GATA3: variants seen among roughly 807,000 people sequenced by gnomAD.
The protein encoded by GATA3 is trans-acting T-cell-specific transcription factor GATA-3.
Under a neutral mutation model 36.0 loss-of-function variants are expected in GATA3, and 6 were observed. The observed-to-expected ratio is 0.17, with a 90% CI of 0.09 to 0.33. The LOEUF is 0.33. Among genes scored for constraint, GATA3 ranks in the 10% least tolerant of loss-of-function variants. The pLI, the probability that GATA3 is intolerant of heterozygous loss-of-function variation, is 1.00. For synonymous variants in GATA3, 326 were observed against 273.0 expected (o/e 1.19, Z -1.92); for missense variants, 514 against 610.1 (o/e 0.84, Z 1.66).
intron 5 of GATA3, among the ~76,000 whole-genome samples, chr10:8,071,224 A>G (rs1832926029): frequency 6.6e-6 from 1 of 152,224 alleles, no homozygotes; most frequent in South Asian, 2.1e-4. Context: ...TGCACAAGGT[A>G]ACGTGGCTGA....
Position 8,058,255 on chromosome 10 carries a change from G to T in GATA3, c.242-50G>T, listed in dbSNP as rs781694185. The stretch of plus-strand genomic sequence containing the variant: ...CAGGTGTCCCTGACGGCCTCCCAGG[G>T]CCACACTCACCCTCCTTCTCTCTCC... On this transcript the variant is annotated intron_variant, in intron 2 of 5. Transcript: ENST00000379328. 4.5e-5 allele frequency: 72 copies of T among 1,601,576 alleles called. 1 individual carries two copies. Among genetic ancestry groups the T allele is most frequent in the Non-Finnish European group, 1.7e-6 (2 of 1,170,472 alleles).
upstream of GATA3, chr10:8,050,621 C>T (rs965382871): frequency 4.8e-6 from 1 of 207,002 alleles, no homozygotes; most frequent in African/African-American, 2.4e-5. Context: ...TTCCCGGCTT[C>T]TTTTCTGTCT....
chr10:8,058,694 G>A lies in GATA3; in HGVS notation c.631G>A (p.Ala211Thr), dbSNP rs778421571. 9.9e-6 allele frequency: 16 copies of A among 1,612,910 alleles called. No homozygotes were observed. In the South Asian group the frequency reaches 1.8e-4, roughly 18 times the overall value. ...SRGSMTALGG[A>T]SSSTHHPITT... ...TGGCAGCATGACCGCCCTGGGTGGA[G>A]CCTCCTCGTCGACCCACCACCCCAT... Residue 211 changes from alanine (A) to threonine (T), a missense_variant, in exon 3 of 6, where the codon GCC becomes ACC. Ala to Thr is a moderately conservative substitution (Grantham distance 58, BLOSUM62 0). This residue lies in a region of GATA3 where 381 missense variants were observed against 354.3 expected (regional missense o/e 1.08). Coordinates refer to ENST00000379328, the MANE Select transcript of GATA3 (RefSeq NM_001002295.2).
At position 8,058,623 on chromosome 10, in the gene GATA3, A is replaced by C; in HGVS notation, c.560A>C (p.Gln187Pro). 6.2e-7 allele frequency: 1 copy of C among 1,611,986 alleles called. No individual in the cohort carries two copies. The highest frequency in any genetic ancestry group is 8.5e-7 in the Non-Finnish European group (1 of 1,179,852). Residue 187 changes from glutamine to proline, a missense_variant, in exon 3 of 6, where the codon CAG becomes CCG. By Grantham distance (76) the Gln-to-Pro change is moderately conservative (BLOSUM62 -1). This residue lies in a region of GATA3 where 381 missense variants were observed against 354.3 expected (regional missense o/e 1.08). Coordinates refer to ENST00000379328, the MANE Select transcript of GATA3 (RefSeq NM_001002295.2). ...GACGAGAAAGAGTGCCTCAAGTACC[A>C]GGTGCCCCTGCCCGACAGCATGAAG... The part of the protein sequence containing the change: ...RQDEKECLKY[Q>P]VPLPDSMKLE...
rs1459337304 is a variant in GATA3 at position 8,058,640 on chromosome 10, A to G, written c.577A>G (p.Ser193Gly). ...CLKYQVPLPD[S>G]MKLESSHSRG... is the part of the protein sequence containing the mutation. ...CAAGTACCAGGTGCCCCTGCCCGACAGCATGAAGCTGGAGTCGTCCCACTC... is the reference window on the plus strand; with the variant it reads ...CAAGTACCAGGTGCCCCTGCCCGACGGCATGAAGCTGGAGTCGTCCCACTC... Residue 193 changes from serine (S) to glycine (G), a missense_variant, in exon 3 of 6, where the codon AGC becomes GGC. Ser to Gly is a moderately conservative substitution (Grantham distance 56). Transcript: ENST00000379328. The G allele has an allele frequency of 6.2e-7, 1 of 1,612,904 alleles. No homozygotes were observed. Among genetic ancestry groups the G allele is most frequent in the Admixed American group, 1.7e-5 (1 of 60,030 alleles).
upstream of GATA3, chr10:8,050,882 G>C (rs1288586270): frequency 8.7e-6 from 4 of 457,176 alleles, no homozygotes; most frequent in South Asian, 6.7e-5. Context: ...TCGACCCCGG[G>C]GCTCCGCTTT....
In GATA3 at chr10:8,074,262, G is replaced by A. The variant is rs1256188736; in HGVS notation, c.*239G>A. ...TCTGACTCATATCCCCTATTTAACAGGGTCTCTAGTGCTGTGAAAAAAAAA... is the reference window on the plus strand; with the variant it reads ...TCTGACTCATATCCCCTATTTAACAAGGTCTCTAGTGCTGTGAAAAAAAAA... On this transcript the variant is annotated 3_prime_UTR_variant, in exon 6 of 6. Coordinates refer to ENST00000379328, the MANE Select transcript of GATA3 (RefSeq NM_001002295.2). 3.7e-6 allele frequency: 2 copies of A among 547,704 alleles called. No homozygotes were observed. The highest frequency in any genetic ancestry group is 2.9e-5 in the East Asian group (1 of 34,188). 33.9% of individuals were successfully genotyped at this position (547,704 alleles called of 1,614,324 possible).
intron 5 of GATA3, 28 bp from the exon 6 acceptor site, chr10:8,073,705 TAAAAAA>T: frequency 1.4e-6 from 2 of 1,408,452 alleles, no homozygotes; most frequent in South Asian, 2.5e-5. Context: ...AGCAAAAAAG[TAAAAAA>T]AAAAAAAAAA....
At chr10:8,050,964 TCGCCTGGAAG>T (rs751163453), upstream of GATA3, 1 of 481,488 alleles carries the variant, frequency 2.1e-6, no homozygotes, top group Non-Finnish European at 4.3e-6. Context: ...CCCGCGGAGC[TCGCCTGGAAG>T]CGCCGGTTGC....
intron 3 of GATA3, among the ~76,000 whole-genome samples, chr10:8,060,124 C>G (rs770305127): frequency 5.3e-5 from 8 of 152,238 alleles, no homozygotes; most frequent in Non-Finnish European, 1.0e-4. Flanking sequence ...GTGACATTCA[C>G]TCCGACTGCC....
rs757676140 is a variant in GATA3, at chr10:8,058,313, G to C, written c.250G>C (p.Val84Leu). ...RYPPTHHGSQVCRPPLLHGSL... is the reference protein window; with the variant it reads ...RYPPTHHGSQLCRPPLLHGSL... ...TCCCCGTTGCCCCACAGGGAGCCAG[G>C]TGTGCCGCCCGCCTCTGCTTCATGG... The change falls in exon 3 of 6, where the codon GTG becomes CTG. Residue 84 changes from valine (V) to leucine (L), a missense_variant. This residue lies in a region of GATA3 where 381 missense variants were observed against 354.3 expected (regional missense o/e 1.08). Coordinates refer to ENST00000379328, the MANE Select transcript of GATA3 (RefSeq NM_001002295.2). 9 of 1,613,346 alleles carry C rather than the reference G, an allele frequency of 5.6e-6. 1 individual carries two copies. In the South Asian group the frequency reaches 9.9e-5, roughly 18 times the overall value.
chr10:8,070,689 C>T (rs952325299), intron 5 of GATA3, among the ~76,000 whole-genome samples: 2 of 152,122 alleles, frequency 1.3e-5, no homozygotes, highest in Admixed American at 1.3e-4. Context: ...TTTTTTGAGT[C>T]ATAAAGAACT....
At chr10:8,063,791 G>A (rs912057552) in intron 3 of GATA3, among the ~76,000 whole-genome samples, 4 of 152,136 alleles carry the variant, frequency 2.6e-5, no homozygotes, top group Non-Finnish European at 5.9e-5. Context: ...CGTGTGTGTC[G>A]GGGGAACGGT....
rs1046557945 is a variant in GATA3, at chr10:8,069,744, G to C, written c.1050+146G>C. 6.2e-5 allele frequency: 65 copies of C among 1,043,472 alleles called. No individual in the cohort carries two copies. In the African/African-American group the frequency reaches 8.7e-4, roughly 14 times the overall value. 64.6% of individuals were successfully genotyped at this position (1,043,472 alleles called of 1,614,324 possible). A position where few individuals can be genotyped will look rare whatever the true frequency, so the allele number is the denominator to read the frequency against. ...AATTGATGCAATAGGACCTAGCTTG[G>C]AAAACTACTTTGTCTAGCATAGCCG... On this transcript the variant is annotated intron_variant, in intron 5 of 5. Coordinates refer to ENST00000379328, the MANE Select transcript of GATA3 (RefSeq NM_001002295.2).
Position 8,058,657 on chromosome 10 carries a change from G to A in GATA3, c.594G>A (p.Ser198=), listed in dbSNP as rs763497781. 1.2e-6 allele frequency: 2 copies of A among 1,612,938 alleles called. No homozygotes were observed. The highest frequency in any genetic ancestry group is 1.7e-6 in the Non-Finnish European group (2 of 1,179,956). The change falls in exon 3 of 6, where the codon TCG becomes TCA. Residue 198 remains serine, a synonymous_variant. Transcript: ENST00000379328. ...TGCCCGACAGCATGAAGCTGGAGTC[G>A]TCCCACTCCCGTGGCAGCATGACCG... ...VPLPDSMKLE[S]SHSRGSMTAL...
At chr10:8,058,001 C>G (rs1260780098) in intron 2 of GATA3, among the ~76,000 whole-genome samples, 3 of 152,170 alleles carry the variant, frequency 2.0e-5, no homozygotes, top group Admixed American at 6.5e-5. Context: ...GCCAAATAAG[C>G]AAAGGGGCCC....
rs1832980671 is a variant in GATA3, at chr10:8,074,312, T to C, written c.*289T>C. On this transcript the variant is annotated 3_prime_UTR_variant, in exon 6 of 6. Coordinates refer to ENST00000379328, the MANE Select transcript of GATA3 (RefSeq NM_001002295.2). ...AATGCTGAACATTGCATATAACTTA[T>C]ATTGTAAGAAATACTGTACAATGAC... is the stretch of plus-strand genomic sequence containing the variant. 1 of 438,724 alleles carries C rather than the reference T, an allele frequency of 2.3e-6. No homozygotes were observed. Among genetic ancestry groups the C allele is most frequent in the South Asian group, 4.2e-5 (1 of 23,748 alleles). 27.2% of individuals were successfully genotyped at this position (438,724 alleles called of 1,614,324 possible). A position where few individuals can be genotyped will look rare whatever the true frequency, so the allele number is the denominator to read the frequency against.
At position 8,074,055 on chromosome 10, in the gene GATA3, G is replaced by A. The variant is rs377010406; in HGVS notation, c.*32G>A. ...GCTCGATGCTCACAGGGCCCCCAGC[G>A]AGAGTCCCTGCAGTCCCTTTCGACT... On this transcript the variant is annotated 3_prime_UTR_variant, in exon 6 of 6. Coordinates refer to ENST00000379328, the MANE Select transcript of GATA3 (RefSeq NM_001002295.2). 37 of 1,611,844 alleles carry A rather than the reference G, an allele frequency of 2.3e-5. No homozygotes were observed. The highest frequency in any genetic ancestry group is 3.0e-5 in the Non-Finnish European group (35 of 1,178,742).
chr10:8,057,623 C>A (rs772336546), intron 2 of GATA3, among the ~76,000 whole-genome samples: 3 of 152,116 alleles, frequency 2.0e-5, no homozygotes, highest in Non-Finnish European at 2.9e-5. Flanking sequence ...ACAGCCCGAG[C>A]AATGAAAACG....
Sources: gnomAD v4.1 joint callset for allele counts (sites outside exome capture counted in the v4.1 genomes callset) on GRCh38, gnomAD v4.1.1 for gene constraint, gnomAD v4.1.1 regional missense constraint, MANE v1.5 for transcripts, NCBI Gene and HGNC (gene_info 2026-07-23, HGNC 2026-07-21) for gene names.